The following METTL21C variants were observed in gnomAD, a reference collection of about 807,000 sequenced individuals.
The protein encoded by METTL21C is protein-lysine methyltransferase METTL21C.
A neutral mutation model predicts 25.9 loss-of-function variants in METTL21C; 21 were observed. The observed-to-expected ratio is 0.81, with a 90% CI of 0.58 to 1.17. METTL21C has a LOEUF of 1.17. Among genes scored for constraint, METTL21C ranks in the 50% most tolerant of loss-of-function variants. The probability of loss-of-function intolerance (pLI) is 0.00; values close to 1 mark genes in which losing one functional copy is unlikely to be tolerated. For missense variants in METTL21C, 312 were observed against 315.1 expected (o/e 0.99, Z 0.07); for synonymous variants, 125 against 124.7 (o/e 1.00, Z -0.01).
chr13:102,692,203 T>C lies in METTL21C; in HGVS notation c.131-1239A>G, dbSNP rs185594597. 7.3e-4 allele frequency among the ~76,000 whole-genome samples: 111 copies of C among 152,212 alleles called. 1 individual carries two copies. In the East Asian group the frequency reaches 7.5e-3, roughly 10 times the overall value. On this transcript the variant is annotated intron_variant, in intron 1 of 3. Transcript: ENST00000267273. ...GGAAGTGTTTTAATCTGAAATAGCCTCTCAAGGTGGAAGGCAGGAGGAGGT... is the reference window on the plus strand; with the variant it reads ...GGAAGTGTTTTAATCTGAAATAGCCCCTCAAGGTGGAAGGCAGGAGGAGGT...
chr13:102,694,320 C>A, intron 1 of METTL21C, 49 bp downstream of exon 1: 1 of 1,570,426 alleles, frequency 6.4e-7, no homozygotes. Context: ...ATGTCATCGC[C>A]AGGAAAACAA....
intron 1 of METTL21C, among the ~76,000 whole-genome samples, chr13:102,693,024 G>C (rs145424375): frequency 2.0e-5 from 3 of 152,094 alleles, no homozygotes; most frequent in Non-Finnish European, 4.4e-5. Flanking sequence ...GGGAAGAAGC[G>C]GTGATTGACA....
chr13:102,696,678 G>A (rs1053537356), upstream of METTL21C, among the ~76,000 whole-genome samples: 4 of 152,150 alleles, frequency 2.6e-5, no homozygotes, highest in Non-Finnish European at 5.9e-5. Flanking sequence ...TGTAGGCAGA[G>A]GCTATGTCCA....
At chr13:102,701,746 A>G in the METTL21C span, among the ~76,000 whole-genome samples, 7,557 of 152,214 alleles carry the variant, frequency 0.05, 660 homozygotes, top group African/African-American at 0.17. Context: ...ATAAAAGGGG[A>G]ATTTGTGTGT....
chr13:102,704,171 A>G, the METTL21C span, among the ~76,000 whole-genome samples: 1 of 152,188 alleles, frequency 6.6e-6, no homozygotes, highest in Non-Finnish European at 1.5e-5. Flanking sequence ...TTAACGTCAG[A>G]GCGCTCACCT....
At chr13:102,701,832 A>G in the METTL21C span, among the ~76,000 whole-genome samples, 2 of 152,218 alleles carry the variant, frequency 1.3e-5, no homozygotes, top group Non-Finnish European at 2.9e-5. Context: ...GTTTGGTACA[A>G]GTCAACATCA....
intron 1 of METTL21C, among the ~76,000 whole-genome samples, 175 bp from the exon 2 acceptor site, chr13:102,691,139 A>AT (rs1226621152): frequency 9.2e-5 from 14 of 152,160 alleles, no homozygotes; most frequent in African/African-American, 3.4e-4. Flanking sequence ...ATATGGGGTG[A>AT]TGGGGACATG....
the METTL21C span, among the ~76,000 whole-genome samples, chr13:102,702,352 A>C: frequency 6.6e-6 from 1 of 152,148 alleles, no homozygotes; most frequent in African/African-American, 2.4e-5. Flanking sequence ...AGACAGGAAA[A>C]AGACAACAAT....
At chr13:102,703,946 C>T in the METTL21C span, among the ~76,000 whole-genome samples, 2 of 152,184 alleles carry the variant, frequency 1.3e-5, no homozygotes, top group Non-Finnish European at 2.9e-5. Flanking sequence ...TTAACTTTCT[C>T]CCTACCTTTC....
the METTL21C span, among the ~76,000 whole-genome samples, chr13:102,702,965 T>C: frequency 6.6e-6 from 1 of 152,236 alleles, no homozygotes; most frequent in Non-Finnish European, 1.5e-5. Context: ...ATTTGCTATA[T>C]AACAATAATT....
chr13:102,700,972 C>T, the METTL21C span, among the ~76,000 whole-genome samples: 1 of 151,836 alleles, frequency 6.6e-6, no homozygotes, highest in Non-Finnish European at 1.5e-5. Context: ...TAATCATGCT[C>T]CGATTTTAGC....
Position 102,686,311 on chromosome 13 carries a change from C to A in METTL21C, c.515G>T (p.Trp172Leu). Residue 172 changes from tryptophan to leucine, a missense_variant, in exon 4 of 4, where the codon TGG becomes TTG. Physicochemically the swap from Trp to Leu is moderately conservative, Grantham distance 61. Coordinates refer to ENST00000267273, the MANE Select transcript of METTL21C (RefSeq NM_001010977.3). ...AHLPEVKELV[W>L]GEDLDKNFPK... The stretch of plus-strand genomic sequence containing the variant: ...AAAGTTTTTGTCCAGGTCTTCCCCC[C>A]ATACCAGTTCTTTCACTTCAGGCAG... The A allele has an allele frequency of 1.9e-6, 3 of 1,614,206 alleles. No homozygotes were observed. Among genetic ancestry groups the A allele is most frequent in the Non-Finnish European group, 2.5e-6 (3 of 1,180,028 alleles).
At position 102,686,271 on chromosome 13, in the gene METTL21C, A is replaced by C; in HGVS notation, c.555T>G (p.Phe185Leu). The C allele has an allele frequency of 6.2e-7, 1 of 1,614,210 alleles. No homozygotes were observed. The highest frequency in any genetic ancestry group is 8.5e-7 in the Non-Finnish European group (1 of 1,180,028). The change falls in exon 4 of 4, where the codon TTT becomes TTG. Residue 185 changes from phenylalanine to leucine, a missense_variant. Transcript: ENST00000267273. ...CTGAGGCTAGGACGTAATCATAGTA[A>C]AAAGCTGACTTGGGAAAGTTTTTGT... ...DLDKNFPKSAFYYDYVLASDV... is the reference protein window; with the variant it reads ...DLDKNFPKSALYYDYVLASDV...
chr13:102,701,898 G>C, the METTL21C span, among the ~76,000 whole-genome samples: 1 of 152,106 alleles, frequency 6.6e-6, no homozygotes, highest in African/African-American at 2.4e-5. Context: ...GGGCCCAGTG[G>C]CTCATGCTAT....
upstream of METTL21C, among the ~76,000 whole-genome samples, chr13:102,697,540 CTA>C (rs1885966686): frequency 6.6e-6 from 1 of 152,154 alleles, no homozygotes; most frequent in Non-Finnish European, 1.5e-5. Flanking sequence ...GCCTAGGTGT[CTA>C]CTGACTGAGT....
chr13:102,687,796 A>G (rs939691417), intron 2 of METTL21C, among the ~76,000 whole-genome samples: 1 of 152,198 alleles, frequency 6.6e-6, no homozygotes, highest in African/African-American at 2.4e-5. Flanking sequence ...ATTTTTTTAA[A>G]TGTTTTATAT....
upstream of METTL21C, among the ~76,000 whole-genome samples, chr13:102,699,856 C>T (rs1187063843): frequency 6.6e-6 from 1 of 152,168 alleles, no homozygotes; most frequent in African/African-American, 2.4e-5. Context: ...CCCCTGAGAG[C>T]AGCCGCTGTG....
intron 1 of METTL21C, among the ~76,000 whole-genome samples, chr13:102,693,029 T>C (rs1041357899): frequency 6.6e-6 from 1 of 152,136 alleles, no homozygotes; most frequent in Non-Finnish European, 1.5e-5. Flanking sequence ...GAAGCGGTGA[T>C]TGACAGCGTT....
chr13:102,701,773 A>C, the METTL21C span, among the ~76,000 whole-genome samples: 1 of 152,234 alleles, frequency 6.6e-6, no homozygotes, highest in South Asian at 2.1e-4. Context: ...TCCCTTTAAC[A>C]GACTAAAGAA....
Sources: allele counts gnomAD v4.1 joint callset (sites outside exome capture counted in the v4.1 genomes callset), GRCh38; gene constraint gnomAD v4.1.1; transcripts MANE v1.5; gene names NCBI Gene and HGNC (gene_info 2026-07-23, HGNC 2026-07-21).